Variants in EPAS1 observed in about 807,000 individuals in gnomAD.
EPAS1 encodes endothelial PAS domain-containing protein 1.
A neutral mutation model predicts 87.9 loss-of-function variants in EPAS1; 23 were observed. That is an observed-to-expected ratio of 0.26 (90% CI 0.19 to 0.37). EPAS1 has a LOEUF of 0.37. Among genes scored for constraint, EPAS1 ranks in the 10% least tolerant of loss-of-function variants. EPAS1 has a pLI of 1.00. For missense variants in EPAS1, 1,138 were observed against 1,120.7 expected (o/e 1.02, Z -0.22); for synonymous variants, 508 against 444.3 (o/e 1.14, Z -1.80).
At chr2:46,379,108 G>A (rs1572648212) in intron 11 of EPAS1, among the ~76,000 whole-genome samples, 1 of 152,256 alleles carries the variant, frequency 6.6e-6, no homozygotes, top group Non-Finnish European at 1.5e-5. Flanking sequence ...AAACATAGGG[G>A]ACAATTAATC....
At chr2:46,365,900 G>T (rs77837067) in intron 6 of EPAS1, among the ~76,000 whole-genome samples, 1,926 of 152,322 alleles carry the variant, frequency 0.013, 37 homozygotes, top group African/African-American at 0.044. Context: ...AAAGCAAGCC[G>T]ACTTGAAGTA....
At chr2:46,373,880 C>T (rs1240660686) in intron 7 of EPAS1, among the ~76,000 whole-genome samples, 1 of 152,330 alleles carries the variant, frequency 6.6e-6, no homozygotes, top group Middle Eastern at 3.4e-3. Context: ...CTGAGGTGGT[C>T]TTTCAGCAAA....
intron 3 of EPAS1, 38 bp from the exon 4 acceptor site, chr2:46,356,686 G>C: frequency 1.3e-6 from 2 of 1,511,108 alleles, no homozygotes; most frequent in Admixed American, 3.3e-5. Flanking sequence ...TTACTTCACT[G>C]TTAGGAATAA....
intron 1 of EPAS1, among the ~76,000 whole-genome samples, chr2:46,316,104 G>A (rs1161860089): frequency 6.6e-6 from 1 of 151,898 alleles, no homozygotes; most frequent in East Asian, 1.9e-4. Context: ...TACAGAATAC[G>A]GGCATACTTC....
At chr2:46,328,568 A>G (rs535339553) in intron 1 of EPAS1, among the ~76,000 whole-genome samples, 1 of 152,292 alleles carries the variant, frequency 6.6e-6, no homozygotes, top group East Asian at 1.9e-4. Flanking sequence ...GCAGACCACA[A>G]ACCTTCACAG....
intron 6 of EPAS1, among the ~76,000 whole-genome samples, chr2:46,361,581 T>A (rs1042291518): frequency 6.6e-6 from 1 of 152,204 alleles, no homozygotes; most frequent in African/African-American, 2.4e-5. Flanking sequence ...TCCAGCCATT[T>A]TGAAGAAGAT....
intron 1 of EPAS1, among the ~76,000 whole-genome samples, chr2:46,324,235 T>C (rs560049301): frequency 6.6e-6 from 1 of 152,204 alleles, no homozygotes; most frequent in South Asian, 2.1e-4. Context: ...CCTGGCTAAT[T>C]TTTTTGTATT....
In EPAS1 at chr2:46,378,747, A is replaced by G. The variant is rs768920796; in HGVS notation, c.1534A>G (p.Lys512Glu). The G allele has an allele frequency of 1.2e-6, 2 of 1,614,168 alleles. No homozygotes were observed. The highest frequency in any genetic ancestry group is 1.1e-5 in the South Asian group (1 of 91,078). The stretch of plus-strand genomic sequence containing the variant: ...GCTCTTCGCCATGGACACAGAGGCC[A>G]AGGACCAATGCAGTACCCAGGTAGA... ...EKLFAMDTEA[K>E]DQCSTQTDFN... Residue 512 changes from lysine to glutamate, a missense_variant, in exon 11 of 16, where the codon AAG (lysine) becomes GAG (glutamate). Coordinates refer to ENST00000263734, the MANE Select transcript of EPAS1 (RefSeq NM_001430.5).
At chr2:46,362,930 A>AATAAAC (rs1684423313) in intron 6 of EPAS1, among the ~76,000 whole-genome samples, 1 of 140,362 alleles carries the variant, frequency 7.1e-6, no homozygotes, top group Non-Finnish European at 1.5e-5. Context: ...ACTTCGACAC[A>AATAAAC]GTCACCATTT....
At position 46,347,257 on chromosome 2, in the gene EPAS1, TC is replaced by T; in HGVS notation, c.217+196del. ...TTCCAGCAGTGACCTTTACCGTGAA[TC>T]CAGCTGTGAGAGGAGGGCAGGGACA... On this transcript the variant is annotated intron_variant, in intron 2 of 15. Coordinates refer to ENST00000263734, the MANE Select transcript of EPAS1 (RefSeq NM_001430.5). This position sits in a 1 kb window ranked among gnomAD's most constrained non-coding sequence, Gnocchi z 4.2. The T allele has an allele frequency of 1.5e-6, 1 of 680,150 alleles. No individual in the cohort carries two copies. The highest frequency in any genetic ancestry group is 2.6e-6 in the Non-Finnish European group (1 of 390,482). The allele number at this position is 680,150 out of a possible 1,614,324, so 42.1% of individuals were successfully genotyped here.
rs1277235308 is a variant in EPAS1, at chr2:46,376,470, A to G, written c.1035-69A>G. The G allele has an allele frequency of 4.0e-6, 6 of 1,499,476 alleles. No homozygotes were observed. The East Asian group carries it at 1.1e-4, about 28-fold the overall frequency. 92.9% of individuals were successfully genotyped at this position (1,499,476 alleles called of 1,614,324 possible). ...GGAGAGCTTAGCTATGAGGGTTTCC[A>G]TGCATCTAGGGGAGCAGAATTTTTC... On this transcript the variant is annotated intron_variant, in intron 8 of 15. Coordinates refer to ENST00000263734, the MANE Select transcript of EPAS1 (RefSeq NM_001430.5).
rs771259597 is a variant in EPAS1, at chr2:46,382,565, G to T, written c.2428G>T (p.Asp810Tyr). 3 of 1,614,146 alleles carry T rather than the reference G, an allele frequency of 1.9e-6. No individual in the cohort carries two copies. Among genetic ancestry groups the T allele is most frequent in the East Asian group, 2.2e-5 (1 of 44,878 alleles). Residue 810 changes from aspartate (D) to tyrosine (Y), a missense_variant, in exon 15 of 16, where the codon GAC (aspartate) becomes TAC (tyrosine). Physicochemically the swap from Asp to Tyr is radical, Grantham distance 160. Around this residue, in one of 4 missense-constraint regions of EPAS1, gnomAD observed 502 missense variants for 427.1 expected, o/e 1.18. Transcript: ENST00000263734. Reference sequence around the variant, plus strand: ...ACAGTGCTACGCCACCCAGTACCAGGACTACAGCCTGTCGTCAGCCCACAA... The same window carrying T: ...ACAGTGCTACGCCACCCAGTACCAGTACTACAGCCTGTCGTCAGCCCACAA... The part of the protein sequence containing the change: ...PPQCYATQYQ[D>Y]YSLSSAHKVS...
chr2:46,385,945 G>GCT lies in EPAS1; in HGVS notation c.*1287_*1288dup, dbSNP rs1340861000. On this transcript the variant is annotated 3_prime_UTR_variant, in exon 16 of 16. Coordinates refer to ENST00000263734, the MANE Select transcript of EPAS1 (RefSeq NM_001430.5). Reference sequence around the variant, plus strand: ...TAGTGACCCCGTCCACGTCCTCCAAGCTCACGACCTTGGAGCCCCGTGGAG... The same window carrying GCT: ...TAGTGACCCCGTCCACGTCCTCCAAGCTCTCACGACCTTGGAGCCCCGTGGAG... 1 of 152,530 alleles carries GCT rather than the reference G, an allele frequency of 6.6e-6. No individual in the cohort carries two copies. Among genetic ancestry groups the GCT allele is most frequent in the Non-Finnish European group, 1.5e-5 (1 of 68,050 alleles). The allele number at this position is 152,530 out of a possible 1,614,324, so 9.4% of individuals were successfully genotyped here.
chr2:46,331,182 G>A (rs916720747), intron 1 of EPAS1, among the ~76,000 whole-genome samples: 3 of 152,182 alleles, frequency 2.0e-5, no homozygotes, highest in African/African-American at 7.2e-5. Flanking sequence ...CCTCAAGCCC[G>A]GGCAGTCCTG....
At chr2:46,367,316 G>A (rs1298271541) in intron 6 of EPAS1, among the ~76,000 whole-genome samples, 3 of 152,238 alleles carry the variant, frequency 2.0e-5, no homozygotes, top group African/African-American at 7.2e-5. Flanking sequence ...TAGAATGCCA[G>A]TAGGCTCATT....
At chr2:46,373,722 T>C (rs150545846) in intron 7 of EPAS1, among the ~76,000 whole-genome samples, 36 of 152,360 alleles carry the variant, frequency 2.4e-4, no homozygotes, top group Non-Finnish European at 3.5e-4. Context: ...TTGTCAAAAC[T>C]TGTTGAACTG....
chr2:46,369,665 A>C (rs1266126028), intron 6 of EPAS1, among the ~76,000 whole-genome samples, 162 bp from the exon 7 acceptor site: 2 of 152,184 alleles, frequency 1.3e-5, no homozygotes, highest in Non-Finnish European at 2.9e-5. Flanking sequence ...TAGATTGAGC[A>C]CAGTGTTCTT....
In EPAS1 at chr2:46,380,253, G is replaced by C. The variant is rs1684855445; in HGVS notation, c.1581G>C (p.Glu527Asp). The C allele has an allele frequency of 6.2e-7, 1 of 1,613,146 alleles. No homozygotes were observed. Among genetic ancestry groups the C allele is most frequent in the Non-Finnish European group, 8.5e-7 (1 of 1,180,010 alleles). The change falls in exon 12 of 16, where the codon GAG becomes GAC. Residue 527 changes from glutamate to aspartate, a missense_variant. By Grantham distance (45) the Glu-to-Asp change is conservative (BLOSUM62 2). Coordinates refer to ENST00000263734, the MANE Select transcript of EPAS1 (RefSeq NM_001430.5). The surrounding 1 kb of genome is among the most constrained non-coding windows in gnomAD (Gnocchi z 4.4). ...TQTDFNELDL[E>D]TLAPYIPMDG... ...CGGATTTCAATGAGCTGGACTTGGA[G>C]ACACTGGCACCCTATATCCCCATGG...
chr2:46,314,773 T>G (rs1402565100), intron 1 of EPAS1, among the ~76,000 whole-genome samples: 1 of 151,960 alleles, frequency 6.6e-6, no homozygotes, highest in Non-Finnish European at 1.5e-5. Context: ...CAAGAGGAGG[T>G]TCTGTTGGAA....
Sources: gnomAD v4.1 joint callset for allele counts (sites outside exome capture counted in the v4.1 genomes callset) on GRCh38, gnomAD v4.1.1 for gene constraint, gnomAD v4.1.1 regional missense constraint, Gnocchi (gnomAD v3.1) non-coding constraint, MANE v1.5 for transcripts, NCBI Gene and HGNC (gene_info 2026-07-23, HGNC 2026-07-21) for gene names.